SLC22A3: variants seen among roughly 807,000 people sequenced by gnomAD.
The protein encoded by SLC22A3 is solute carrier family 22 member 3.
In SLC22A3, 51 loss-of-function variants were observed where a neutral mutation model predicts 59.1. The observed-to-expected ratio is 0.86, with a 90% confidence interval of 0.69 to 1.09. The LOEUF (loss-of-function observed/expected upper bound fraction) is 1.09, where lower values mean the gene tolerates loss of function less well. Among genes scored for constraint, SLC22A3 ranks in the 50% least tolerant of loss-of-function variants. The probability of loss-of-function intolerance (pLI) is 0.00; values close to 1 mark genes in which losing one functional copy is unlikely to be tolerated. For missense variants in SLC22A3, 711 were observed against 726.3 expected, an observed-to-expected ratio of 0.98 and a Z score of 0.24; for synonymous variants, 325 against 292.0, an observed-to-expected ratio of 1.11 and a Z score of -1.15.
At chr6:160,408,500 G>A (rs909414676) in intron 3 of SLC22A3, among the ~76,000 whole-genome samples, 3 of 152,192 alleles carry the variant, frequency 2.0e-5, no homozygotes, top group African/African-American at 7.2e-5. Context: ...ACCCAGAAGA[G>A]TGCTGGTCTG....
At chr6:160,448,199 G>A (rs1788818301) in intron 10 of SLC22A3, among the ~76,000 whole-genome samples, 1 of 152,132 alleles carries the variant, frequency 6.6e-6, no homozygotes, top group African/African-American at 2.4e-5. Context: ...CTGTCTAGAT[G>A]GAATGGCATA....
intron 1 of SLC22A3, among the ~76,000 whole-genome samples, chr6:160,360,770 C>G (rs775130230): frequency 1.6e-4 from 25 of 152,064 alleles, no homozygotes; most frequent in Non-Finnish European, 2.9e-4. Flanking sequence ...AACTCCCCCC[C>G]GCCCCAACCA....
intron 1 of SLC22A3, among the ~76,000 whole-genome samples, chr6:160,383,421 A>G (rs748560694): frequency 5.9e-5 from 9 of 152,190 alleles, no homozygotes; most frequent in Non-Finnish European, 1.2e-4. Flanking sequence ...TAGATATTGC[A>G]TCTGACCCTG....
In SLC22A3 at chr6:160,415,489, A is replaced by T. The variant is rs147570601; in HGVS notation, c.975+4643A>T. Among the ~76,000 whole-genome samples the T allele has an allele frequency of 9.2e-5, 14 of 152,342 alleles. No homozygotes were observed. The East Asian group carries it at 2.5e-3, about 27-fold the overall frequency. Reference sequence around the variant, plus strand: ...CTTGAAACTGTATGTTTACACAGTTACTTTCACATTAACCCACATCCCTCT... The same window carrying T: ...CTTGAAACTGTATGTTTACACAGTTTCTTTCACATTAACCCACATCCCTCT... On this transcript the variant is annotated intron_variant, in intron 5 of 10. Coordinates refer to ENST00000275300, the MANE Select transcript of SLC22A3 (RefSeq NM_021977.4). This position sits in a 1 kb window ranked among gnomAD's most constrained non-coding sequence, Gnocchi z 4.1.
chr6:160,419,661 A>G (rs1234255992), intron 5 of SLC22A3, among the ~76,000 whole-genome samples: 3 of 152,236 alleles, frequency 2.0e-5, no homozygotes, highest in Non-Finnish European at 2.9e-5. Flanking sequence ...TTCTCCTGAC[A>G]GGGCTGTCTT....
At chr6:160,368,027 G>C (rs1462044316) in intron 1 of SLC22A3, among the ~76,000 whole-genome samples, 2 of 152,034 alleles carry the variant, frequency 1.3e-5, no homozygotes, top group African/African-American at 4.8e-5. Flanking sequence ...AGTACATGCT[G>C]CTCTGTCCTC....
chr6:160,430,264 G>C (rs1788102956), intron 5 of SLC22A3, among the ~76,000 whole-genome samples: 1 of 151,914 alleles, frequency 6.6e-6, no homozygotes, highest in South Asian at 2.1e-4. Flanking sequence ...TGCTACTGAT[G>C]AGAAAACTAA....
Position 160,451,063 on chromosome 6 carries a change from C to G in SLC22A3, c.*7C>G. Reference sequence around the variant, plus strand: ...TTCCCGCTCTCACCTTTGAGGCCCCCGACAAAGACAGAAAGAAGGAGCTAT... The same window carrying G: ...TTCCCGCTCTCACCTTTGAGGCCCCGGACAAAGACAGAAAGAAGGAGCTAT... On this transcript the variant is annotated 3_prime_UTR_variant, in exon 11 of 11. Coordinates refer to ENST00000275300, the MANE Select transcript of SLC22A3 (RefSeq NM_021977.4). 6.3e-7 allele frequency: 1 copy of G among 1,587,880 alleles called. No individual in the cohort carries two copies. Among genetic ancestry groups the G allele is most frequent in the South Asian group, 1.1e-5 (1 of 86,990 alleles).
At chr6:160,444,493 C>T (rs376427942) in intron 9 of SLC22A3, among the ~76,000 whole-genome samples, 17 of 152,266 alleles carry the variant, frequency 1.1e-4, no homozygotes, top group Admixed American at 2.0e-4. Flanking sequence ...CACAGGATCC[C>T]GGGCACACAT....
chr6:160,377,199 A>G (rs1785627118), intron 1 of SLC22A3, among the ~76,000 whole-genome samples: 1 of 152,202 alleles, frequency 6.6e-6, no homozygotes, highest in South Asian at 2.1e-4. Flanking sequence ...AAACAGGGAA[A>G]TGTGGGCTGG....
intron 1 of SLC22A3, among the ~76,000 whole-genome samples, chr6:160,352,084 A>G (rs1315231664): frequency 6.6e-6 from 1 of 152,230 alleles, no homozygotes; most frequent in African/African-American, 2.4e-5. Context: ...ACAGTCAGCC[A>G]GACTGGCAGA....
At chr6:160,396,753 T>A (rs1266467452) in intron 1 of SLC22A3, among the ~76,000 whole-genome samples, 2 of 152,122 alleles carry the variant, frequency 1.3e-5, no homozygotes, top group African/African-American at 4.8e-5. Context: ...TACATCTTAT[T>A]TTTTTATCAA....
chr6:160,450,218 C>T (rs923656719), intron 10 of SLC22A3, among the ~76,000 whole-genome samples: 2 of 152,140 alleles, frequency 1.3e-5, no homozygotes, highest in Non-Finnish European at 2.9e-5. Flanking sequence ...TCTCCCAGTG[C>T]GACTGTTTAT....
intron 1 of SLC22A3, among the ~76,000 whole-genome samples, chr6:160,349,342 A>T (rs1051356526): frequency 6.6e-6 from 1 of 152,200 alleles, no homozygotes; most frequent in Non-Finnish European, 1.5e-5. Flanking sequence ...GCTTTTTTCC[A>T]GTTGCCCAAA....
chr6:160,349,061 G>A (rs1354096747), intron 1 of SLC22A3: 3 of 985,350 alleles, frequency 3.0e-6, no homozygotes, highest in Non-Finnish European at 1.2e-6. Context: ...CTGAGCCCGT[G>A]AGTTAATGCA....
At chr6:160,371,130 C>T (rs1785383721) in intron 1 of SLC22A3, among the ~76,000 whole-genome samples, 1 of 152,162 alleles carries the variant, frequency 6.6e-6, no homozygotes, top group Non-Finnish European at 1.5e-5. Flanking sequence ...TCTCTGTAGC[C>T]CTTAGTGCAC....
intron 1 of SLC22A3, among the ~76,000 whole-genome samples, chr6:160,394,982 A>T (rs16891557): frequency 0.042 from 6,402 of 152,262 alleles, 403 homozygotes; most frequent in African/African-American, 0.14. Context: ...CCCTACTGGT[A>T]CAACCTACAC....
chr6:160,442,163 G>A (rs922837223), intron 7 of SLC22A3, among the ~76,000 whole-genome samples: 3 of 152,226 alleles, frequency 2.0e-5, no homozygotes, highest in South Asian at 2.1e-4. Context: ...ATTGAAGGAA[G>A]TAGTACAATG....
rs749992919 is a variant in SLC22A3, at chr6:160,407,214, A to G, written c.688+19A>G. 1 of 1,581,220 alleles carries G rather than the reference A, an allele frequency of 6.3e-7. No individual in the cohort carries two copies. The highest frequency in any genetic ancestry group is 1.8e-5 in the Admixed American group (1 of 54,816). ...GTGATTGGTAAGACATTCTTACACC[A>G]TCTTCTCTATTTGGAAACTAGGGCC... On this transcript the variant is annotated intron_variant, in intron 3 of 10. Transcript: ENST00000275300.
Sources: allele counts gnomAD v4.1 joint callset (sites outside exome capture counted in the v4.1 genomes callset), GRCh38; gene constraint gnomAD v4.1.1; non-coding constraint Gnocchi (gnomAD v3.1); transcripts MANE v1.5; gene names NCBI Gene and HGNC (gene_info 2026-07-23, HGNC 2026-07-21).